The following THAP4 variants were observed in gnomAD, a reference collection of about 807,000 sequenced individuals.
THAP4 encodes THAP domain containing 4.
In THAP4, 18 loss-of-function variants were observed where a neutral mutation model predicts 48.1. That is an observed-to-expected ratio of 0.37 (90% CI 0.26 to 0.56). The LOEUF is 0.56. Ranked by LOEUF, THAP4 falls within the 20% of genes least tolerant of loss-of-function variation. The probability of loss-of-function intolerance (pLI) is 0.78; values close to 1 mark genes in which losing one functional copy is unlikely to be tolerated. For missense variants in THAP4, 656 were observed against 774.9 expected, an observed-to-expected ratio of 0.85 and a Z score of 1.82; for synonymous variants, 345 against 324.9, an observed-to-expected ratio of 1.06 and a Z score of -0.66.
intron 2 of THAP4, among the ~76,000 whole-genome samples, chr2:241,632,699 TAC>T (rs2067581350): frequency 1.3e-5 from 2 of 152,326 alleles, no homozygotes; most frequent in South Asian, 4.1e-4. Context: ...CCTACATCCC[TAC>T]ACACACAGAT....
At position 241,632,998 on chromosome 2, in the gene THAP4, C is replaced by G; in HGVS notation, c.1159G>C (p.Val387Leu). 1 of 1,613,782 alleles carries G rather than the reference C, an allele frequency of 6.2e-7. No individual in the cohort carries two copies. The highest frequency in any genetic ancestry group is 8.5e-7 in the Non-Finnish European group (1 of 1,179,932). ...RQRVSRSDSQ[V>L]RKLQEKLDEL... Reference sequence around the variant, plus strand: ...TCCAGCTTCTCCTGTAGCTTCCGCACCTGGCTGTCGGAGCGGCTGACCCTC... The same window carrying G: ...TCCAGCTTCTCCTGTAGCTTCCGCAGCTGGCTGTCGGAGCGGCTGACCCTC... The change falls in exon 2 of 6, where the codon GTG becomes CTG. Residue 387 changes from valine (V) to leucine (L), a missense_variant. By Grantham distance (32) the Val-to-Leu change is conservative. This residue lies in a region of THAP4 where 391 missense variants were observed against 412.4 expected (regional missense o/e 0.95). Transcript: ENST00000407315.
chr2:241,637,567 G>A (rs1354475071), upstream of THAP4: 2 of 1,497,800 alleles, frequency 1.3e-6, no homozygotes, highest in South Asian at 1.2e-5. Flanking sequence ...CAAAATGGCG[G>A]CTCCCGCGTA....
intron 5 of THAP4, among the ~76,000 whole-genome samples, chr2:241,589,245 C>A (rs984778542): frequency 2.7e-5 from 4 of 150,872 alleles, no homozygotes; most frequent in East Asian, 1.9e-4. Flanking sequence ...AGAAACCCCC[C>A]ACCCCCACCA....
At chr2:241,584,824 G>T in intron 5 of THAP4, 99 bp from the exon 6 acceptor site, 1 of 1,492,126 alleles carries the variant, frequency 6.7e-7, no homozygotes, top group Non-Finnish European at 9.3e-7. Context: ...ATCACGGGCT[G>T]TGAGCCAGGC....
chr2:241,616,336 C>G lies in THAP4; in HGVS notation c.1241-9863G>C, dbSNP rs1032947261. Among the ~76,000 whole-genome samples the G allele has an allele frequency of 6.6e-6, 1 of 152,102 alleles. No homozygotes were observed. Among genetic ancestry groups the G allele is most frequent in the Non-Finnish European group, 1.5e-5 (1 of 68,022 alleles). Reference sequence around the variant, plus strand: ...CGACCCGTGACATCAGTGAGAAGGGCGGGTGCAGGCGCACGAGAGCTGAGG... The same window carrying G: ...CGACCCGTGACATCAGTGAGAAGGGGGGGTGCAGGCGCACGAGAGCTGAGG... On this transcript the variant is annotated intron_variant, in intron 2 of 5. Coordinates refer to ENST00000407315, the MANE Select transcript of THAP4 (RefSeq NM_015963.6). This position sits in a 1 kb window ranked among gnomAD's most constrained non-coding sequence, Gnocchi z 4.6.
chr2:241,637,537 G>C (rs2067700511), upstream of THAP4: 3 of 1,451,478 alleles, frequency 2.1e-6, no homozygotes, highest in East Asian at 2.9e-5. Context: ...CCCGGGGCTC[G>C]CGTCGGCCCG....
At chr2:241,615,739 G>A (rs1326748796) in intron 2 of THAP4, among the ~76,000 whole-genome samples, 1 of 152,198 alleles carries the variant, frequency 6.6e-6, no homozygotes, top group Non-Finnish European at 1.5e-5. Context: ...CCTGCCCGGT[G>A]CCTCTCACCT....
At chr2:241,636,901 C>A in intron 1 of THAP4, 40 bp downstream of exon 1, 1 of 1,137,304 alleles carries the variant, frequency 8.8e-7, no homozygotes, top group South Asian at 1.9e-5. Flanking sequence ...CCCGCAGGGC[C>A]GGGTCGGGGC....
At chr2:241,587,498 G>A (rs1172390107) in intron 5 of THAP4, among the ~76,000 whole-genome samples, 1 of 152,196 alleles carries the variant, frequency 6.6e-6, no homozygotes, top group African/African-American at 2.4e-5. Context: ...TTTCCAGCTT[G>A]TGGAGGGGAC....
At chr2:241,635,597 G>T (rs1251279626) in intron 1 of THAP4, among the ~76,000 whole-genome samples, 1 of 152,008 alleles carries the variant, frequency 6.6e-6, no homozygotes, top group Non-Finnish European at 1.5e-5. Context: ...GTGAAACCCT[G>T]TCTCTACTAA....
In THAP4 at chr2:241,584,543, T is replaced by C. The variant is rs1348660749; in HGVS notation, c.*63A>G. The C allele has an allele frequency of 3.9e-5, 62 of 1,598,048 alleles. No individual in the cohort carries two copies. The highest frequency in any genetic ancestry group is 5.1e-5 in the Non-Finnish European group (60 of 1,166,918). The stretch of plus-strand genomic sequence containing the variant: ...CACTTCTGCCGCAGGGACTGTCTGT[T>C]GAGGAGCCGAACCGTTGAGGCACAG... On this transcript the variant is annotated 3_prime_UTR_variant, in exon 6 of 6. Coordinates refer to ENST00000407315, the MANE Select transcript of THAP4 (RefSeq NM_015963.6).
At chr2:241,595,065 T>C (rs897122724) in intron 5 of THAP4, among the ~76,000 whole-genome samples, 5 of 152,142 alleles carry the variant, frequency 3.3e-5, no homozygotes, top group Non-Finnish European at 5.9e-5. Context: ...CAGGCTGGAG[T>C]GCAGTGGCGC....
intron 2 of THAP4, among the ~76,000 whole-genome samples, chr2:241,626,349 G>A (rs989749330): frequency 2.6e-4 from 40 of 152,200 alleles, no homozygotes; most frequent in African/African-American, 9.4e-4. Flanking sequence ...GCTGAGGCAG[G>A]AGAATTGCTT....
In THAP4 at chr2:241,610,819, CG is replaced by C. The variant is rs1428493406; in HGVS notation, c.1241-4347del. ...GAGCCAGGGACAGCGAGAGACGGGA[CG>C]GGGACAGAGACACAGAGACAGAGAG... On this transcript the variant is annotated intron_variant, in intron 2 of 5. Transcript: ENST00000407315. This position sits in a 1 kb window ranked among gnomAD's most constrained non-coding sequence, Gnocchi z 4.2. Among the ~76,000 whole-genome samples the C allele has an allele frequency of 6.6e-6, 1 of 151,736 alleles. No homozygotes were observed. Among genetic ancestry groups the C allele is most frequent in the Non-Finnish European group, 1.5e-5 (1 of 67,980 alleles).
At chr2:241,637,225 G>A (rs1331337126), upstream of THAP4, 199 of 991,626 alleles carry the variant, frequency 2.0e-4, no homozygotes, top group Non-Finnish European at 2.3e-4. Flanking sequence ...CGCCAGCCGC[G>A]GGTTCGGGCG....
intron 5 of THAP4, among the ~76,000 whole-genome samples, chr2:241,589,603 T>C (rs2066932826): frequency 6.6e-6 from 1 of 152,112 alleles, no homozygotes; most frequent in Non-Finnish European, 1.5e-5. Context: ...TGGGACAACC[T>C]TGCTGGGGTG....
intron 1 of THAP4, among the ~76,000 whole-genome samples, chr2:241,635,556 G>A (rs539757367): frequency 6.6e-6 from 1 of 152,058 alleles, no homozygotes; most frequent in African/African-American, 2.4e-5. Flanking sequence ...GGACTTTGAG[G>A]CCAGAGTTCG....
At chr2:241,598,940 G>GA (rs2067081371) in intron 5 of THAP4, among the ~76,000 whole-genome samples, 1 of 150,080 alleles carries the variant, frequency 6.7e-6, no homozygotes, top group Admixed American at 6.7e-5. Context: ...AAAAAAAGTA[G>GA]AAAAATTTTA....
intron 5 of THAP4, among the ~76,000 whole-genome samples, chr2:241,588,577 G>A (rs567845829): frequency 4.6e-5 from 7 of 152,322 alleles, no homozygotes; most frequent in East Asian, 3.9e-4. Flanking sequence ...TATAAAGACC[G>A]AAACAGAGAA....
Sources: gnomAD v4.1 joint callset for allele counts (sites outside exome capture counted in the v4.1 genomes callset) on GRCh38, gnomAD v4.1.1 for gene constraint, gnomAD v4.1.1 regional missense constraint, Gnocchi (gnomAD v3.1) non-coding constraint, MANE v1.5 for transcripts, NCBI Gene and HGNC (gene_info 2026-07-23, HGNC 2026-07-21) for gene names.